The following UNC5A variants were observed in gnomAD, a reference collection of about 807,000 sequenced individuals.
UNC5A encodes the protein unc-5 netrin receptor A, also known as netrin receptor UNC5A.
In UNC5A, 20 loss-of-function variants were observed where a neutral mutation model predicts 87.4. The observed-to-expected ratio is 0.23, with a 90% CI of 0.16 to 0.33. The LOEUF is 0.33. UNC5A is among the 10% of genes least tolerant of loss of function. The probability of loss-of-function intolerance (pLI) is 1.00; values close to 1 mark genes in which losing one functional copy is unlikely to be tolerated. For missense variants in UNC5A, 844 were observed against 1,133.4 expected (o/e 0.74, Z 3.67); for synonymous variants, 438 against 482.3 (o/e 0.91, Z 1.20).
intron 2 of UNC5A, chr5:176,864,897 G>A (rs1420866336): frequency 1.3e-5 from 6 of 451,016 alleles, no homozygotes; most frequent in East Asian, 1.4e-4. Flanking sequence ...AGCCTCTCCC[G>A]GCCCCAGCGG....
chr5:176,849,122 G>A (rs1349916428), intron 1 of UNC5A, among the ~76,000 whole-genome samples: 1 of 152,234 alleles, frequency 6.6e-6, no homozygotes, highest in Non-Finnish European at 1.5e-5. Context: ...TTGCCTTGCT[G>A]TGACCCTGAC....
rs1216478013 is a variant in UNC5A, at chr5:176,865,560, C to T, written c.293-2570C>T. The stretch of plus-strand genomic sequence containing the variant: ...CGACTCCAGCCTCCCATGGCCGGAA[C>T]ATCTGAACGTTCATTGATCTCATCG... On this transcript the variant is annotated intron_variant, in intron 2 of 14. Transcript: ENST00000329542. The surrounding 1 kb of genome is among the most constrained non-coding windows in gnomAD (Gnocchi z 5.3). 2 of 456,648 alleles carry T rather than the reference C, an allele frequency of 4.4e-6. No homozygotes were observed. Among genetic ancestry groups the T allele is most frequent in the Admixed American group, 4.7e-5 (2 of 42,554 alleles). 28.3% of individuals were successfully genotyped at this position (456,648 alleles called of 1,614,324 possible).
chr5:176,874,343 G>A lies in UNC5A; in HGVS notation c.1155G>A (p.Gln385=). The A allele has an allele frequency of 6.2e-7, 1 of 1,613,624 alleles. No individual in the cohort carries two copies. The highest frequency in any genetic ancestry group is 8.5e-7 in the Non-Finnish European group (1 of 1,179,844). ...ACCAGGGCAGTCTCTGTCCCCGGCA[G>A]GATGGGCCCAGCCCCAAGTTCCAGC... is the stretch of plus-strand genomic sequence containing the variant. ...TTYQGSLCPR[Q]DGPSPKFQLT... Residue 385 remains glutamine, a synonymous_variant, in exon 8 of 15, where the codon CAG becomes CAA. Coordinates refer to ENST00000329542, the MANE Select transcript of UNC5A (RefSeq NM_133369.3). The surrounding 1 kb of genome is among the most constrained non-coding windows in gnomAD (Gnocchi z 7.6).
intron 1 of UNC5A, among the ~76,000 whole-genome samples, chr5:176,826,838 A>T (rs1019569990): frequency 3.3e-5 from 5 of 151,776 alleles, no homozygotes; most frequent in African/African-American, 4.8e-5. Flanking sequence ...ACGGGATTTC[A>T]CTGTGTTTGC....
Position 176,877,520 on chromosome 5 carries a change from A to G in UNC5A, c.1467-15A>G. ...CTGACACCTTTCCCTCCCCACCCATATTTCCCCACTTGAGGTTGCCCCTAG... is the reference window on the plus strand; with the variant it reads ...CTGACACCTTTCCCTCCCCACCCATGTTTCCCCACTTGAGGTTGCCCCTAG... On this transcript the variant is annotated splice_polypyrimidine_tract_variant and intron_variant, in intron 9 of 14. Transcript: ENST00000329542. 1 of 1,571,938 alleles carries G rather than the reference A, an allele frequency of 6.4e-7. No individual in the cohort carries two copies. The highest frequency in any genetic ancestry group is 1.2e-5 in the South Asian group (1 of 86,268).
rs1239180149 is a variant in UNC5A at position 176,868,853 on chromosome 5, C to A, written c.610C>A (p.His204Asn). The A allele has an allele frequency of 1.2e-6, 2 of 1,612,754 alleles. No homozygotes were observed. The highest frequency in any genetic ancestry group is 1.7e-6 in the Non-Finnish European group (2 of 1,179,824). ...LDPNVYITRE[H>N]SLVVRQARLA... The stretch of plus-strand genomic sequence containing the variant: ...CCCCAATGTATACATCACGCGGGAG[C>A]ACAGCCTGGTGGTGCGACAGGCCCG... The change falls in exon 5 of 15, where the codon CAC becomes AAC. Residue 204 changes from histidine to asparagine, a missense_variant. Coordinates refer to ENST00000329542, the MANE Select transcript of UNC5A (RefSeq NM_133369.3).
intron 1 of UNC5A, among the ~76,000 whole-genome samples, chr5:176,840,578 C>T (rs575804343): frequency 6.6e-6 from 1 of 152,320 alleles, no homozygotes; most frequent in South Asian, 2.1e-4. Context: ...TGGTCCGGAG[C>T]AGAGCTCAGA....
At chr5:176,834,567 G>A (rs1211989915) in intron 1 of UNC5A, among the ~76,000 whole-genome samples, 2 of 152,170 alleles carry the variant, frequency 1.3e-5, no homozygotes, top group African/African-American at 2.4e-5. Context: ...GGACAGATGT[G>A]GAAGGAGCAG....
chr5:176,836,473 C>G (rs187660790), intron 1 of UNC5A, among the ~76,000 whole-genome samples: 2 of 152,288 alleles, frequency 1.3e-5, no homozygotes, highest in East Asian at 3.9e-4. Context: ...AGGGGAGCGA[C>G]AGCAGCTGAG....
chr5:176,845,882 A>T (rs1251951494), intron 1 of UNC5A, among the ~76,000 whole-genome samples: 1 of 152,238 alleles, frequency 6.6e-6, no homozygotes, highest in Non-Finnish European at 1.5e-5. Flanking sequence ...GGCAGAGGGA[A>T]CAGTAGATGC....
intron 1 of UNC5A, among the ~76,000 whole-genome samples, chr5:176,833,888 T>C (rs1348177984): frequency 6.6e-6 from 1 of 152,062 alleles, no homozygotes; most frequent in Non-Finnish European, 1.5e-5. Context: ...TTTGTATTAG[T>C]AGAGACGGGG....
At chr5:176,820,700 C>T (rs559107318) in intron 1 of UNC5A, among the ~76,000 whole-genome samples, 4 of 152,188 alleles carry the variant, frequency 2.6e-5, no homozygotes, top group Non-Finnish European at 5.9e-5. Context: ...AGAAGCTCTT[C>T]TAGAACCGTG....
At position 176,810,818 on chromosome 5, in the gene UNC5A, C is replaced by T. The variant is rs1756431994; in HGVS notation, c.68C>T (p.Ser23Leu). Reference sequence around the variant, plus strand: ...GTCCTCGCCGCTTGGCTCCGCGGCTCGGGTGAGTCACGCCGCGCGCGCTCT... The same window carrying T: ...GTCCTCGCCGCTTGGCTCCGCGGCTTGGGTGAGTCACGCCGCGCGCGCTCT... Reference protein sequence around the residue: ...GIVLAAWLRGSGAQQSATVAN... With the variant: ...GIVLAAWLRGLGAQQSATVAN... The change falls in exon 1 of 15, where the codon TCG becomes TTG. Residue 23 changes from serine to leucine, a missense_variant and splice_region_variant. By Grantham distance (145) the Ser-to-Leu change is moderately radical (BLOSUM62 -2). Coordinates refer to ENST00000329542, the MANE Select transcript of UNC5A (RefSeq NM_133369.3). This position sits in a 1 kb window ranked among gnomAD's most constrained non-coding sequence, Gnocchi z 7.3. 1.6e-6 allele frequency: 2 copies of T among 1,222,340 alleles called. No individual in the cohort carries two copies. Among genetic ancestry groups the T allele is most frequent in the Middle Eastern group, 2.8e-4 (1 of 3,624 alleles). 75.7% of individuals were successfully genotyped at this position (1,222,340 alleles called of 1,614,324 possible). A position where few individuals can be genotyped will look rare whatever the true frequency, so the allele number is the denominator to read the frequency against.
chr5:176,861,766 A>G (rs1338777830), intron 1 of UNC5A, among the ~76,000 whole-genome samples: 1 of 152,186 alleles, frequency 6.6e-6, no homozygotes, highest in Non-Finnish European at 1.5e-5. Context: ...GTTTCCCTCT[A>G]TGCCCAGGGG....
At position 176,821,895 on chromosome 5, in the gene UNC5A, CT is replaced by C. The variant is rs770246219; in HGVS notation, c.70+11076del. Among the ~76,000 whole-genome samples the C allele has an allele frequency of 1.5e-3, 231 of 152,316 alleles. 3 individuals are homozygous for C. Among genetic ancestry groups the C allele is most frequent in the Non-Finnish European group, 3.0e-3 (203 of 68,010 alleles). Reference sequence around the variant, plus strand: ...CACCAGACTCTGGTTAGGCCTTCCCCTGCAGGACTAATTGACTTCCCAGGCT... The same window carrying C: ...CACCAGACTCTGGTTAGGCCTTCCCCGCAGGACTAATTGACTTCCCAGGCT... On this transcript the variant is annotated intron_variant, in intron 1 of 14. Coordinates refer to ENST00000329542, the MANE Select transcript of UNC5A (RefSeq NM_133369.3).
At chr5:176,853,003 A>G (rs1322276183) in intron 1 of UNC5A, among the ~76,000 whole-genome samples, 1 of 152,166 alleles carries the variant, frequency 6.6e-6, no homozygotes, top group Non-Finnish European at 1.5e-5. Context: ...AAGGGGAGGG[A>G]GAGGAAGAGC....
At position 176,865,852 on chromosome 5, in the gene UNC5A, G is replaced by A. The variant is rs1250718546; in HGVS notation, c.293-2278G>A. The A allele has an allele frequency of 2.8e-6, 1 of 353,828 alleles. No homozygotes were observed. Among genetic ancestry groups the A allele is most frequent in the Non-Finnish European group, 5.6e-6 (1 of 177,588 alleles). The allele number at this position is 353,828 out of a possible 1,614,324, so 21.9% of individuals were successfully genotyped here. ...TTTGCCCTCATTCCTCACCCAGAAG[G>A]CCAGGGGGCAGGGACCAAGGCCTGA... On this transcript the variant is annotated intron_variant, in intron 2 of 14. Coordinates refer to ENST00000329542, the MANE Select transcript of UNC5A (RefSeq NM_133369.3). This position sits in a 1 kb window ranked among gnomAD's most constrained non-coding sequence, Gnocchi z 5.3.
At chr5:176,846,230 A>T (rs1362359321) in intron 1 of UNC5A, among the ~76,000 whole-genome samples, 5 of 152,092 alleles carry the variant, frequency 3.3e-5, no homozygotes. Context: ...CAGAGCACAG[A>T]GGAGGGAGGA....
rs1757456447 is a variant in UNC5A, at chr5:176,848,092, C to G, written c.71-14532C>G. On this transcript the variant is annotated intron_variant, in intron 1 of 14. Coordinates refer to ENST00000329542, the MANE Select transcript of UNC5A (RefSeq NM_133369.3). The surrounding 1 kb of genome is among the most constrained non-coding windows in gnomAD (Gnocchi z 5.8). ...GCAGCCCCTCCAGGCCCCTACTGAC[C>G]AGCTGACCAGCAGCCCCCACGCTGC... is the stretch of plus-strand genomic sequence containing the variant. Among the ~76,000 whole-genome samples, 1 of 152,074 alleles carries G rather than the reference C, an allele frequency of 6.6e-6. No homozygotes were observed. The highest frequency in any genetic ancestry group is 2.4e-5 in the African/African-American group (1 of 41,382).
Sources: allele counts gnomAD v4.1 joint callset (sites outside exome capture counted in the v4.1 genomes callset), GRCh38; gene constraint gnomAD v4.1.1; non-coding constraint Gnocchi (gnomAD v3.1); transcripts MANE v1.5; gene names NCBI Gene and HGNC (gene_info 2026-07-23, HGNC 2026-07-21).